The following PRKDC variants were observed in gnomAD, a reference collection of about 807,000 sequenced individuals.
PRKDC encodes protein kinase, DNA-activated, catalytic subunit.
A neutral mutation model predicts 486.9 loss-of-function variants in PRKDC; 82 were observed. The ratio of observed to expected loss-of-function variants is 0.17; its 90% confidence interval spans 0.14 to 0.20. PRKDC has a LOEUF of 0.20. Among genes scored for constraint, PRKDC ranks in the 10% least tolerant of loss-of-function variants. PRKDC has a pLI of 1.00. For synonymous variants in PRKDC, 1,895 were observed against 1,837.0 expected, an observed-to-expected ratio of 1.03 and a Z score of -0.81; for missense variants, 4,504 against 5,038.2, an observed-to-expected ratio of 0.89 and a Z score of 3.21.
At chr8:47,828,388 C>A in intron 61 of PRKDC, 41 bp from the exon 62 acceptor site, 1 of 1,488,772 alleles carries the variant, frequency 6.7e-7, no homozygotes, top group South Asian at 1.4e-5. Context: ...GGATCTGAAG[C>A]AAAAATGCTA....
chr8:47,807,125 A>AC lies in PRKDC; in HGVS notation c.9747+11dup. 1 of 1,611,838 alleles carries AC rather than the reference A, an allele frequency of 6.2e-7. No individual in the cohort carries two copies. Among genetic ancestry groups the AC allele is most frequent in the Non-Finnish European group, 8.5e-7 (1 of 1,178,602 alleles). ...CTGTGACACAGCAGGGAGGACAGAC[A>AC]CGAGTACCCACCTGCTTCCGGGCAC... On this transcript the variant is annotated intron_variant, in intron 69 of 85. Coordinates refer to ENST00000314191, the MANE Select transcript of PRKDC (RefSeq NM_006904.7).
chr8:47,817,345 G>T, intron 68 of PRKDC, 105 bp downstream of exon 68: 1 of 793,580 alleles, frequency 1.3e-6, no homozygotes, highest in Admixed American at 2.3e-5. Context: ...AAACAGCTGT[G>T]CTAGGCTCAA....
chr8:47,887,954 C>T (rs182020488), intron 34 of PRKDC, among the ~76,000 whole-genome samples: 19 of 152,306 alleles, frequency 1.2e-4, no homozygotes, highest in African/African-American at 4.6e-4. Flanking sequence ...CTTCCAAGCT[C>T]AAGCAATCCT....
At chr8:47,936,563 C>A in intron 11 of PRKDC, 46 bp from the exon 12 acceptor site, 1 of 1,595,810 alleles carries the variant, frequency 6.3e-7, no homozygotes, top group South Asian at 1.1e-5. Context: ...TTATCAAGAT[C>A]AAAATAATAT....
intron 48 of PRKDC, among the ~76,000 whole-genome samples, chr8:47,857,641 C>T (rs1354867255): frequency 2.6e-5 from 4 of 152,118 alleles, no homozygotes; most frequent in Non-Finnish European, 4.4e-5. Context: ...AGGAACCAAC[C>T]CTGCCAGCAG....
At chr8:47,944,181 T>C (rs868298921) in intron 7 of PRKDC, among the ~76,000 whole-genome samples, 152 bp from the exon 8 acceptor site, 41 of 152,280 alleles carry the variant, frequency 2.7e-4, no homozygotes, top group Middle Eastern at 3.4e-3. Context: ...AAGTTGCAAG[T>C]TATTACTGCT....
intron 36 of PRKDC, 114 bp from the exon 37 acceptor site, chr8:47,882,211 A>G: frequency 2.1e-6 from 2 of 969,990 alleles, no homozygotes; most frequent in Non-Finnish European, 3.0e-6. Flanking sequence ...TATTTCTATA[A>G]TAGATGTTTA....
intron 40 of PRKDC, among the ~76,000 whole-genome samples, chr8:47,869,135 G>C (rs1283280257): frequency 6.6e-6 from 1 of 152,072 alleles, no homozygotes; most frequent in Non-Finnish European, 1.5e-5. Context: ...TCCTCGTGCT[G>C]GGCTGGGCTC....
rs2088090296 is a variant in PRKDC at position 47,839,189 on chromosome 8, A to G, written c.7512T>C (p.Asp2504=). 1 of 1,613,814 alleles carries G rather than the reference A, an allele frequency of 6.2e-7. No individual in the cohort carries two copies. Among genetic ancestry groups the G allele is most frequent in the Non-Finnish European group, 8.5e-7 (1 of 1,179,852 alleles). Residue 2504 remains aspartate, a synonymous_variant, in exon 56 of 86, where the codon GAT becomes GAC. Coordinates refer to ENST00000314191, the MANE Select transcript of PRKDC (RefSeq NM_006904.7). ...DSQEIFKLAK[D]VLIQGLIDEN... is the part of the protein sequence containing the mutation. ...CATCGATCAATCCTTGAATCAGCAC[A>G]TCTTTTGCCAACTTAAATATTTCCT... is the stretch of plus-strand genomic sequence containing the variant.
At chr8:47,910,259 CT>C (rs2089872972) in intron 25 of PRKDC, among the ~76,000 whole-genome samples, 1 of 152,200 alleles carries the variant, frequency 6.6e-6, no homozygotes, top group African/African-American at 2.4e-5. Flanking sequence ...ATCAATCCCC[CT>C]GGTCAATAAG....
At chr8:47,952,006 A>C (rs566529886) in intron 7 of PRKDC, among the ~76,000 whole-genome samples, 1 of 152,358 alleles carries the variant, frequency 6.6e-6, no homozygotes, top group East Asian at 1.9e-4. Flanking sequence ...ACCCTTGTGC[A>C]CTGTTGGTGG....
Position 47,898,583 on chromosome 8 carries a change from C to A in PRKDC, c.3365-14G>T. On this transcript the variant is annotated splice_polypyrimidine_tract_variant and intron_variant, in intron 28 of 85. Coordinates refer to ENST00000314191, the MANE Select transcript of PRKDC (RefSeq NM_006904.7). ...GTTGAATTGTACCTGTTCTCAAGTA[C>A]AGAGACATATTTCCAAAGAAGGCAT... is the stretch of plus-strand genomic sequence containing the variant. 7.4e-7 allele frequency: 1 copy of A among 1,342,878 alleles called. No individual in the cohort carries two copies. Among genetic ancestry groups the A allele is most frequent in the Non-Finnish European group, 9.8e-7 (1 of 1,024,194 alleles). 83.2% of individuals were successfully genotyped at this position (1,342,878 alleles called of 1,614,324 possible).
intron 21 of PRKDC, among the ~76,000 whole-genome samples, chr8:47,919,723 GTTTTTTTTT>G (rs200600818): frequency 2.4e-5 from 3 of 127,050 alleles, no homozygotes; most frequent in African/African-American, 8.6e-5. Context: ...GTTTTTAGTG[GTTTTTTTTT>G]TTTTTTTTTG....
In PRKDC at chr8:47,823,979, C is replaced by T. The variant is rs769878051; in HGVS notation, c.8801G>A (p.Gly2934Glu). 2 of 1,612,696 alleles carry T rather than the reference C, an allele frequency of 1.2e-6. No individual in the cohort carries two copies. Among genetic ancestry groups the T allele is most frequent in the Non-Finnish European group, 1.7e-6 (2 of 1,179,252 alleles). The change falls in exon 64 of 86, where the codon GGA becomes GAA. Residue 2934 changes from glycine to glutamate, a missense_variant. By Grantham distance (98) the Gly-to-Glu change is moderately conservative. Coordinates refer to ENST00000314191, the MANE Select transcript of PRKDC (RefSeq NM_006904.7). ...AATCCCACGGAGGACGTCGTATTCT[C>T]CAATTGATCTATACAGCCTACAAAA... ...VELAKLYRSI[G>E]EYDVLRGIFT...
chr8:47,829,054 G>C (rs1194055200), intron 61 of PRKDC, among the ~76,000 whole-genome samples: 1 of 152,154 alleles, frequency 6.6e-6, no homozygotes, highest in Non-Finnish European at 1.5e-5. Context: ...TTGCTAAATG[G>C]AGGCATGAAA....
chr8:47,829,019 A>G (rs1166430205), intron 61 of PRKDC, among the ~76,000 whole-genome samples: 1 of 152,190 alleles, frequency 6.6e-6, no homozygotes, highest in Non-Finnish European at 1.5e-5. Context: ...CGCCAACAAC[A>G]GTTCCTGGCA....
intron 25 of PRKDC, among the ~76,000 whole-genome samples, chr8:47,906,541 G>T (rs1050376868): frequency 6.6e-6 from 1 of 151,000 alleles, no homozygotes; most frequent in Admixed American, 6.9e-5. Flanking sequence ...GGCTAAAGCA[G>T]GAAAATCGCT....
At chr8:47,863,981 G>A (rs1039691589) in intron 41 of PRKDC, among the ~76,000 whole-genome samples, 2 of 152,020 alleles carry the variant, frequency 1.3e-5, no homozygotes, top group Non-Finnish European at 2.9e-5. Context: ...TCCTGCCCTC[G>A]CCCCACAAAA....
chr8:47,858,873 G>A lies in PRKDC; in HGVS notation c.6321C>T (p.Ser2107=). 1 of 1,613,862 alleles carries A rather than the reference G, an allele frequency of 6.2e-7. No individual in the cohort carries two copies. The highest frequency in any genetic ancestry group is 1.1e-5 in the South Asian group (1 of 91,090). ...LTALVKHMHR[S]LGPPQGEEDS... ...CCTCTTCTCCTTGAGGCGGGCCCAG[G>A]CTTCTGTGCATGTGCTTGACCAGGG... Residue 2107 remains serine (S), a synonymous_variant, in exon 47 of 86, where the codon AGC becomes AGT. Transcript: ENST00000314191.
Sources: gnomAD v4.1 joint callset for allele counts (sites outside exome capture counted in the v4.1 genomes callset) on GRCh38, gnomAD v4.1.1 for gene constraint, MANE v1.5 for transcripts, NCBI Gene and HGNC (gene_info 2026-07-23, HGNC 2026-07-21) for gene names.